The following EIF4E variants were observed in gnomAD, a reference collection of about 807,000 sequenced individuals.
EIF4E encodes eIF-4F 25 kDa subunit.
For synonymous variants in EIF4E, 71 were observed against 88.5 expected, an observed-to-expected ratio of 0.80 and a Z score of 1.11; for missense variants, 113 against 265.6, an observed-to-expected ratio of 0.43 and a Z score of 3.99.
chr4:98,888,037 T>C (rs2110180807), intron 3 of EIF4E, 85 bp from the exon 4 acceptor site: 2 of 1,152,508 alleles, frequency 1.7e-6, no homozygotes, highest in Non-Finnish European at 2.5e-6. Context: ...TTAGAACATA[T>C]GATGAAAATA....
chr4:98,917,884 T>C (rs1382973020), intron 1 of EIF4E, among the ~76,000 whole-genome samples: 2 of 152,130 alleles, frequency 1.3e-5, no homozygotes. Flanking sequence ...GAGACCAGCC[T>C]GGCCAACATA....
chr4:98,893,415 T>C (rs2110188398), intron 2 of EIF4E, among the ~76,000 whole-genome samples: 1 of 152,362 alleles, frequency 6.6e-6, no homozygotes, highest in Admixed American at 6.5e-5. Context: ...ATAGTAGAAT[T>C]TCTTTCAAAA....
At chr4:98,919,332 C>CA (rs376097110) in intron 1 of EIF4E, among the ~76,000 whole-genome samples, 25,078 of 106,520 alleles carry the variant, frequency 0.24, 3,077 homozygotes, top group Non-Finnish European at 0.36. Context: ...AAAAGACTAG[C>CA]AAAAAAAAAA....
intron 1 of EIF4E, 37 bp downstream of exon 1, chr4:98,929,058 G>A: frequency 1.3e-6 from 2 of 1,576,478 alleles, no homozygotes; most frequent in Non-Finnish European, 1.7e-6. Context: ...ACGGAGCGCG[G>A]GGACCCGTGG....
intron 1 of EIF4E, among the ~76,000 whole-genome samples, chr4:98,903,684 A>G (rs1724745154): frequency 6.6e-6 from 1 of 152,220 alleles, no homozygotes; most frequent in Non-Finnish European, 1.5e-5. Context: ...AACGGAGACC[A>G]TGTCTTGATT....
intron 3 of EIF4E, among the ~76,000 whole-genome samples, chr4:98,888,530 C>A (rs1434955340): frequency 2.0e-5 from 3 of 152,094 alleles, no homozygotes; most frequent in African/African-American, 7.2e-5. Flanking sequence ...AATATAGTTA[C>A]AAGCCCTACA....
intron 2 of EIF4E, among the ~76,000 whole-genome samples, chr4:98,899,659 T>A (rs1224473011): frequency 6.6e-6 from 1 of 152,188 alleles, no homozygotes; most frequent in Admixed American, 6.5e-5. Context: ...GTAAACCTAA[T>A]AAAATATATG....
At chr4:98,885,771 T>C (rs1723890470) in intron 5 of EIF4E, among the ~76,000 whole-genome samples, 1 of 152,110 alleles carries the variant, frequency 6.6e-6, no homozygotes, top group Non-Finnish European at 1.5e-5. Flanking sequence ...TGTGGTAAAA[T>C]ACAAATAACA....
chr4:98,909,826 T>G (rs1315621553), intron 1 of EIF4E: 1 of 699,162 alleles, frequency 1.4e-6, no homozygotes, highest in Admixed American at 2.0e-5. Flanking sequence ...AGTCTTAATT[T>G]GTCTCAGGAC....
intron 1 of EIF4E, among the ~76,000 whole-genome samples, chr4:98,919,558 C>CTTT (rs532537834): frequency 4.5e-5 from 6 of 131,884 alleles, no homozygotes; most frequent in South Asian, 2.4e-4. Flanking sequence ...GATTCTTTTT[C>CTTT]TTTTTTTTTT....
intron 5 of EIF4E, chr4:98,886,450 A>G (rs943435175): frequency 2.2e-6 from 1 of 445,388 alleles, no homozygotes; most frequent in Non-Finnish European, 4.5e-6. Flanking sequence ...ACAGTGACTC[A>G]CACCTGTAAT....
chr4:98,887,700 G>A lies in EIF4E; in HGVS notation c.285+189C>T, dbSNP rs934046181. Reference sequence around the variant, plus strand: ...ATCAATCTCAGTATGTGCCCACAGAGTAACTCTCTCTCAATTTTTATAAAC... The same window carrying A: ...ATCAATCTCAGTATGTGCCCACAGAATAACTCTCTCTCAATTTTTATAAAC... On this transcript the variant is annotated intron_variant, in intron 4 of 6. Transcript: ENST00000450253. The surrounding 1 kb of genome is among the most constrained non-coding windows in gnomAD (Gnocchi z 4.0). Among the ~76,000 whole-genome samples, 2 of 152,064 alleles carry A rather than the reference G, an allele frequency of 1.3e-5. No homozygotes were observed. Among genetic ancestry groups the A allele is most frequent in the African/African-American group, 4.8e-5 (2 of 41,406 alleles).
At chr4:98,893,687 C>T (rs1724249546) in intron 2 of EIF4E, among the ~76,000 whole-genome samples, 1 of 152,242 alleles carries the variant, frequency 6.6e-6, no homozygotes, top group South Asian at 2.1e-4. Flanking sequence ...TCTGCAGTTA[C>T]TTCTTCCACT....
intron 2 of EIF4E, among the ~76,000 whole-genome samples, chr4:98,897,182 G>C (rs190599150): frequency 6.6e-6 from 1 of 152,076 alleles, no homozygotes; most frequent in Non-Finnish European, 1.5e-5. Flanking sequence ...TGGTGCCTTA[G>C]CAAGAACCAA....
chr4:98,916,638 TA>T (rs1449757443), intron 1 of EIF4E, among the ~76,000 whole-genome samples: 3 of 152,152 alleles, frequency 2.0e-5, no homozygotes, highest in Admixed American at 2.0e-4. Context: ...CAGGTCACAC[TA>T]AAAAATAATT....
chr4:98,923,579 C>T (rs1165255488), intron 1 of EIF4E, among the ~76,000 whole-genome samples: 3 of 152,114 alleles, frequency 2.0e-5, no homozygotes, highest in African/African-American at 4.8e-5. Context: ...CCCAAAGCCT[C>T]GGATTACATG....
chr4:98,895,582 T>C (rs1295013792), intron 2 of EIF4E: 1 of 152,318 alleles, frequency 6.6e-6, no homozygotes, highest in African/African-American at 2.4e-5. Context: ...AAAAATGAGA[T>C]GCATTTCAAC....
At chr4:98,884,773 A>G (rs953197340) in intron 6 of EIF4E, 149 bp downstream of exon 6, 5 of 998,004 alleles carry the variant, frequency 5.0e-6, no homozygotes, top group South Asian at 1.5e-5. Context: ...GCACCAATTG[A>G]GCCGTTCAAA....
chr4:98,914,300 T>A (rs1014116818), intron 1 of EIF4E, among the ~76,000 whole-genome samples: 1 of 131,926 alleles, frequency 7.6e-6, no homozygotes, highest in African/African-American at 2.9e-5. Flanking sequence ...AGGTTGCAGG[T>A]TGCAGTGACC....
Sources: allele counts gnomAD v4.1 joint callset (sites outside exome capture counted in the v4.1 genomes callset), GRCh38; gene constraint gnomAD v4.1.1; non-coding constraint Gnocchi (gnomAD v3.1); transcripts MANE v1.5; gene names NCBI Gene and HGNC (gene_info 2026-07-23, HGNC 2026-07-21).